Variants in HTR3B observed in about 807,000 individuals in gnomAD.
HTR3B encodes the protein 5-hydroxytryptamine receptor 3B, also known as 5-hydroxytryptamine (serotonin) receptor 3B, ionotropic.
A neutral mutation model predicts 42.8 loss-of-function variants in HTR3B; 44 were observed. The ratio of observed to expected loss-of-function variants is 1.03; its 90% CI spans 0.81 to 1.32. The LOEUF is 1.32. HTR3B is among the 40% of genes most tolerant of loss of function. The pLI is 0.00. For missense variants in HTR3B, 527 were observed against 536.5 expected (o/e 0.98, Z 0.17); for synonymous variants, 203 against 209.0 (o/e 0.97, Z 0.25).
intron 2 of HTR3B, among the ~76,000 whole-genome samples, chr11:113,915,033 T>C (rs1949837662): frequency 6.6e-6 from 1 of 152,216 alleles, no homozygotes; most frequent in South Asian, 2.1e-4. Flanking sequence ...TTCATATATT[T>C]TTTTCTATTA....
At chr11:113,930,688 C>G (rs1165978298) in intron 2 of HTR3B, among the ~76,000 whole-genome samples, 2 of 151,962 alleles carry the variant, frequency 1.3e-5, no homozygotes, top group African/African-American at 4.8e-5. Context: ...CAGAATCTCA[C>G]TGTGTTGCCC....
intron 6 of HTR3B, among the ~76,000 whole-genome samples, chr11:113,935,176 T>C (rs1950080625): frequency 6.6e-6 from 1 of 152,172 alleles, no homozygotes; most frequent in Non-Finnish European, 1.5e-5. Flanking sequence ...ATCTCCATTT[T>C]AATTATGATG....
chr11:113,942,455 G>GTC (rs1467020431), intron 6 of HTR3B, among the ~76,000 whole-genome samples: 3 of 152,216 alleles, frequency 2.0e-5, no homozygotes, highest in Admixed American at 1.3e-4. Context: ...GCGAAACTCC[G>GTC]TCACACACAC....
intron 6 of HTR3B, among the ~76,000 whole-genome samples, chr11:113,933,782 A>G (rs1444693383): frequency 6.6e-6 from 1 of 152,182 alleles, no homozygotes; most frequent in East Asian, 1.9e-4. Context: ...CCATTGTCCC[A>G]TCTTTGGCCC....
At chr11:113,937,090 T>A (rs1591584938) in intron 6 of HTR3B, among the ~76,000 whole-genome samples, 1 of 152,242 alleles carries the variant, frequency 6.6e-6, no homozygotes, top group Admixed American at 6.5e-5. Flanking sequence ...TTTTCTTCCC[T>A]TTCTGTGGAA....
At chr11:113,920,355 T>C (rs549251843) in intron 2 of HTR3B, among the ~76,000 whole-genome samples, 2 of 148,716 alleles carry the variant, frequency 1.3e-5, no homozygotes, top group East Asian at 2.0e-4. Context: ...AACAACAAAT[T>C]GTACTTTTCC....
intron 2 of HTR3B, among the ~76,000 whole-genome samples, chr11:113,909,809 C>T (rs555181582): frequency 6.6e-6 from 1 of 151,730 alleles, no homozygotes; most frequent in Non-Finnish European, 1.5e-5. Flanking sequence ...ATGGTGAAAC[C>T]CTGTCTGTAC....
At chr11:113,913,381 T>G (rs1435889038) in intron 2 of HTR3B, among the ~76,000 whole-genome samples, 2 of 122,740 alleles carry the variant, frequency 1.6e-5, no homozygotes, top group African/African-American at 6.1e-5. Flanking sequence ...TTTTTTTTTT[T>G]TGTATTTTTA....
At position 113,942,999 on chromosome 11, in the gene HTR3B, C is replaced by T. The variant is rs753433031; in HGVS notation, c.714C>T (p.His238=). ...QIQFNVVMRR[H]PLVYVVSLLI... is the part of the protein sequence containing the mutation. ...CCGGCCAGGTGGTGATGCGCAGGCA[C>T]CCCCTGGTCTATGTCGTGAGTCTGC... The change falls in exon 7 of 9, where the codon CAC becomes CAT. Residue 238 remains histidine (H), a synonymous_variant. Transcript: ENST00000260191. 2.5e-6 allele frequency: 4 copies of T among 1,613,974 alleles called. No homozygotes were observed. The highest frequency in any genetic ancestry group is 1.6e-4 in the Middle Eastern group (1 of 6,062).
At chr11:113,903,491 G>A (rs915295983), upstream of HTR3B, among the ~76,000 whole-genome samples, 4 of 146,942 alleles carry the variant, frequency 2.7e-5, no homozygotes, top group Non-Finnish European at 4.5e-5. Context: ...GTGCAGTGGC[G>A]CGATCTTGGT....
At position 113,920,713 on chromosome 11, in the gene HTR3B, C is replaced by G. The variant is rs542896314; in HGVS notation, c.214-10671C>G. Reference sequence around the variant, plus strand: ...ATCCTATTAAGTAAGAGTCCTAGCCCTAAGATCTTAGAAAATATTGTTTAA... The same window carrying G: ...ATCCTATTAAGTAAGAGTCCTAGCCGTAAGATCTTAGAAAATATTGTTTAA... On this transcript the variant is annotated intron_variant, in intron 2 of 8. Transcript: ENST00000260191. Among the ~76,000 whole-genome samples the G allele has an allele frequency of 4.4e-4, 67 of 152,160 alleles. 1 individual carries two copies. In the South Asian group the frequency reaches 5.8e-3, roughly 13 times the overall value.
At chr11:113,902,392 G>A (rs1021329376), upstream of HTR3B, among the ~76,000 whole-genome samples, 2 of 151,986 alleles carry the variant, frequency 1.3e-5, no homozygotes, top group Non-Finnish European at 2.9e-5. Context: ...TGCCTTCTGG[G>A]TTCACAAGAT....
Position 113,943,208 on chromosome 11 carries a change from G to T in HTR3B, c.907+16G>T. On this transcript the variant is annotated intron_variant, in intron 7 of 8. Transcript: ENST00000260191. ...CCTCTGATTGGTAAGCAGCCTCGGG[G>T]TCACTGGACACTCATCTTACATGAC... The T allele has an allele frequency of 6.3e-7, 1 of 1,591,524 alleles. No individual in the cohort carries two copies. Among genetic ancestry groups the T allele is most frequent in the South Asian group, 1.1e-5 (1 of 89,852 alleles).
intron 1 of HTR3B, chr11:113,908,919 G>T: frequency 3.5e-6 from 1 of 287,488 alleles, no homozygotes; most frequent in Non-Finnish European, 6.4e-6. Flanking sequence ...AACCAACGCG[G>T]GAGTTAAGTT....
chr11:113,921,914 T>C (rs901014991), intron 2 of HTR3B, among the ~76,000 whole-genome samples: 26 of 152,192 alleles, frequency 1.7e-4, no homozygotes, highest in Admixed American at 1.2e-3. Context: ...ATTTGGCAAA[T>C]TTTCTTACAG....
At chr11:113,935,943 A>G (rs1331112227) in intron 6 of HTR3B, among the ~76,000 whole-genome samples, 1 of 152,154 alleles carries the variant, frequency 6.6e-6, no homozygotes, top group African/African-American at 2.4e-5. Flanking sequence ...AGTTTCAGCT[A>G]ATGTGCAATC....
chr11:113,906,000 A>T (rs1210271436), intron 1 of HTR3B, among the ~76,000 whole-genome samples: 3 of 152,256 alleles, frequency 2.0e-5, no homozygotes, highest in African/African-American at 7.2e-5. Flanking sequence ...GTTTCTTAGT[A>T]GAAAATAATC....
intron 1 of HTR3B, among the ~76,000 whole-genome samples, chr11:113,907,562 T>C (rs556220940): frequency 1.1e-4 from 17 of 152,304 alleles, no homozygotes; most frequent in African/African-American, 3.8e-4. Flanking sequence ...TTCTCTTTTG[T>C]TCCTAGTCCT....
At position 113,942,892 on chromosome 11, in the gene HTR3B, C is replaced by T. The variant is rs568061761; in HGVS notation, c.697-90C>T. ...TTCACATTATGCAAAAACGTTGGGT[C>T]TTCGGGGAGAATTCCTGGCTATGAA... is the stretch of plus-strand genomic sequence containing the variant. On this transcript the variant is annotated intron_variant, in intron 6 of 8. Transcript: ENST00000260191. 5.6e-6 allele frequency: 6 copies of T among 1,067,140 alleles called. No homozygotes were observed. The East Asian group carries it at 1.5e-4, about 26-fold the overall frequency. 66.1% of individuals were successfully genotyped at this position (1,067,140 alleles called of 1,614,324 possible). A position where few individuals can be genotyped will look rare whatever the true frequency, so the allele number is the denominator to read the frequency against.
Sources: allele counts gnomAD v4.1 joint callset (sites outside exome capture counted in the v4.1 genomes callset), GRCh38; gene constraint gnomAD v4.1.1; transcripts MANE v1.5; gene names NCBI Gene and HGNC (gene_info 2026-07-23, HGNC 2026-07-21).